SCFD2: variants seen among roughly 807,000 people sequenced by gnomAD.
The protein encoded by SCFD2 is sec1 family domain containing 2.
In SCFD2, 54 loss-of-function variants were observed where a neutral mutation model predicts 58.9. The observed-to-expected ratio is 0.92, with a 90% confidence interval of 0.74 to 1.15. The LOEUF (loss-of-function observed/expected upper bound fraction) is 1.15, where lower values mean the gene tolerates loss of function less well. Among genes scored for constraint, SCFD2 ranks in the 50% most tolerant of loss-of-function variants. The pLI is 0.00. For missense variants in SCFD2, 805 were observed against 836.6 expected (o/e 0.96, Z 0.47); for synonymous variants, 321 against 335.9 (o/e 0.96, Z 0.49).
intron 5 of SCFD2, among the ~76,000 whole-genome samples, chr4:52,928,313 G>A (rs1427705518): frequency 2.0e-5 from 3 of 152,170 alleles, no homozygotes; most frequent in African/African-American, 7.2e-5. Context: ...TAGCCTGGGT[G>A]ACAGAGTGAG....
chr4:53,300,667 C>T (rs979779783), intron 3 of SCFD2, among the ~76,000 whole-genome samples: 13 of 152,222 alleles, frequency 8.5e-5, no homozygotes, highest in African/African-American at 3.1e-4. Context: ...CACCACACCA[C>T]ACCTACTCCA....
At chr4:52,970,939 G>T (rs1342522127) in intron 5 of SCFD2, among the ~76,000 whole-genome samples, 1 of 152,142 alleles carries the variant, frequency 6.6e-6, no homozygotes, top group African/African-American at 2.4e-5. Flanking sequence ...AACTCCAAAA[G>T]ACCTGCAGCT....
intron 4 of SCFD2, among the ~76,000 whole-genome samples, chr4:53,257,228 G>A (rs1730672077): frequency 6.6e-6 from 1 of 152,156 alleles, no homozygotes; most frequent in African/African-American, 2.4e-5. Flanking sequence ...GCTCCAGAAG[G>A]CAGCCTTTTC....
intron 2 of SCFD2, among the ~76,000 whole-genome samples, chr4:53,331,270 C>T (rs1168504256): frequency 1.3e-5 from 2 of 151,190 alleles, no homozygotes; most frequent in African/African-American, 4.9e-5. Flanking sequence ...CAGAACTCTC[C>T]ACCCCAAATC....
intron 5 of SCFD2, among the ~76,000 whole-genome samples, chr4:52,960,583 G>A (rs778294404): frequency 1.4e-4 from 22 of 151,978 alleles, no homozygotes; most frequent in Non-Finnish European, 3.1e-4. Context: ...TGGTCAGGCT[G>A]GTCTCAAACT....
At chr4:52,963,908 A>G (rs1232832367) in intron 5 of SCFD2, among the ~76,000 whole-genome samples, 2 of 152,352 alleles carry the variant, frequency 1.3e-5, no homozygotes, top group Non-Finnish European at 1.5e-5. Context: ...TTATCTGAAT[A>G]GTTAATCAAA....
intron 7 of SCFD2, among the ~76,000 whole-genome samples, chr4:52,887,109 C>CTACA (rs1718757717): frequency 6.6e-6 from 1 of 152,192 alleles, no homozygotes; most frequent in African/African-American, 2.4e-5. Flanking sequence ...ACAATTTCTT[C>CTACA]TACATAATAG....
At chr4:53,125,912 T>C (rs534483427) in intron 5 of SCFD2, among the ~76,000 whole-genome samples, 1 of 152,120 alleles carries the variant, frequency 6.6e-6, no homozygotes, top group South Asian at 2.1e-4. Context: ...TGGGAGAGCA[T>C]CCAGAAAGGA....
At chr4:53,208,632 C>T (rs2148977560) in intron 4 of SCFD2, among the ~76,000 whole-genome samples, 1 of 152,260 alleles carries the variant, frequency 6.6e-6, no homozygotes, top group South Asian at 2.1e-4. Flanking sequence ...GCAGCAAAGG[C>T]TAAGGCAGTG....
In SCFD2 at chr4:53,236,825, T is replaced by C. The variant is rs181292789; in HGVS notation, c.1311+37001A>G. 4.4e-4 allele frequency among the ~76,000 whole-genome samples: 60 copies of C among 137,188 alleles called. No individual in the cohort carries two copies. In the East Asian group the frequency reaches 0.012, roughly 28 times the overall value. The allele number at this position is 137,188 out of a possible 152,430, so 90.0% of individuals were successfully genotyped here. ...AGTCACTGTTTTATTTATTTATTTATTTATTTATTTATTTATTTATTTATT... is the reference window on the plus strand; with the variant it reads ...AGTCACTGTTTTATTTATTTATTTACTTATTTATTTATTTATTTATTTATT... On this transcript the variant is annotated intron_variant, in intron 4 of 8. Transcript: ENST00000401642.
At chr4:53,237,893 G>C (rs1231524732) in intron 4 of SCFD2, among the ~76,000 whole-genome samples, 1 of 74,404 alleles carries the variant, frequency 1.3e-5, no homozygotes, top group Non-Finnish European at 2.7e-5. Flanking sequence ...GGGGCGGCTG[G>C]CCTGGCGGGG....
rs576274846 is a variant in SCFD2 at position 53,332,229 on chromosome 4, C to A, written c.1008-18466G>T. Among the ~76,000 whole-genome samples the A allele has an allele frequency of 5.9e-3, 897 of 151,130 alleles. 8 individuals carry two copies. Among genetic ancestry groups the A allele is most frequent in the African/African-American group, 0.021 (849 of 41,030 alleles). On this transcript the variant is annotated intron_variant, in intron 2 of 8. Coordinates refer to ENST00000401642, the MANE Select transcript of SCFD2 (RefSeq NM_152540.4). ...TCCAATCAATAGAAAAAGAGGGAAT[C>A]CTCCCTAACTCATTTTATGAGGCCA...
chr4:53,244,298 C>A (rs1729994191), intron 4 of SCFD2, among the ~76,000 whole-genome samples: 1 of 152,144 alleles, frequency 6.6e-6, no homozygotes, highest in Non-Finnish European at 1.5e-5. Flanking sequence ...CTACTCATCA[C>A]CACATGGCAC....
intron 6 of SCFD2, among the ~76,000 whole-genome samples, chr4:52,908,218 T>A (rs1253277859): frequency 1.3e-5 from 2 of 152,268 alleles, no homozygotes; most frequent in Non-Finnish European, 2.9e-5. Flanking sequence ...CAACAACTTC[T>A]ACAGTTTGAT....
chr4:53,001,791 A>C (rs2148801002), intron 5 of SCFD2, among the ~76,000 whole-genome samples: 1 of 152,356 alleles, frequency 6.6e-6, no homozygotes, highest in African/African-American at 2.4e-5. Flanking sequence ...ATTGTGCTAG[A>C]TACTTTACCT....
intron 5 of SCFD2, among the ~76,000 whole-genome samples, chr4:52,963,393 G>C (rs1159218912): frequency 6.6e-6 from 1 of 152,178 alleles, no homozygotes; most frequent in African/African-American, 2.4e-5. Flanking sequence ...TCATTCTTTT[G>C]CATTAAGAAT....
At chr4:52,903,256 C>T (rs992438426) in intron 7 of SCFD2, among the ~76,000 whole-genome samples, 24 of 152,220 alleles carry the variant, frequency 1.6e-4, no homozygotes, top group African/African-American at 5.5e-4. Context: ...CCCTTGTGCA[C>T]ATCAATGCAT....
intron 5 of SCFD2, among the ~76,000 whole-genome samples, chr4:53,064,940 G>A (rs7662427): frequency 0.34 from 51,383 of 151,928 alleles, 10,202 homozygotes; most frequent in Non-Finnish European, 0.42. Flanking sequence ...AATTAATCAC[G>A]TTCTTAATAT....
chr4:53,313,715 G>A lies in SCFD2; in HGVS notation c.1056C>T (p.His352=). The A allele has an allele frequency of 6.2e-7, 1 of 1,614,010 alleles. No homozygotes were observed. Among genetic ancestry groups the A allele is most frequent in the Non-Finnish European group, 8.5e-7 (1 of 1,179,918 alleles). Residue 352 remains histidine, a synonymous_variant, in exon 3 of 9, where the codon CAC becomes CAT. Transcript: ENST00000401642. ...ALWEALLNTK[H]KEAVMEVRRH... is the part of the protein sequence containing the mutation. Reference sequence around the variant, plus strand: ...TCCGAACTTCCATCACTGCCTCTTTGTGCTTAGTGTTCAGTAAAGCTTCCC... The same window carrying A: ...TCCGAACTTCCATCACTGCCTCTTTATGCTTAGTGTTCAGTAAAGCTTCCC...
Sources: allele counts gnomAD v4.1 joint callset (sites outside exome capture counted in the v4.1 genomes callset), GRCh38; gene constraint gnomAD v4.1.1; transcripts MANE v1.5; gene names NCBI Gene and HGNC (gene_info 2026-07-23, HGNC 2026-07-21).